ZBTB4: variants seen among roughly 807,000 people sequenced by gnomAD.
ZBTB4 encodes the protein zinc finger and BTB domain-containing protein 4.
ZBTB4 carries 14 observed loss-of-function variants against 59.8 expected under a neutral mutation model. The ratio of observed to expected loss-of-function variants is 0.23; its 90% CI spans 0.15 to 0.37. The LOEUF is 0.37. Ranked by LOEUF, ZBTB4 falls within the 10% of genes least tolerant of loss-of-function variation. ZBTB4 has a pLI of 1.00. For synonymous variants in ZBTB4, 587 were observed against 575.2 expected (o/e 1.02, Z -0.29); for missense variants, 1,198 against 1,380.8 (o/e 0.87, Z 2.10).
In ZBTB4 at chr17:7,463,051, T is replaced by A; in HGVS notation, c.1931A>T (p.Asp644Val). 1 of 1,610,802 alleles carries A rather than the reference T, an allele frequency of 6.2e-7. No individual in the cohort carries two copies. Among genetic ancestry groups the A allele is most frequent in the Non-Finnish European group, 8.5e-7 (1 of 1,179,194 alleles). Residue 644 changes from aspartate to valine, a missense_variant, in exon 4 of 4, where the codon GAC becomes GTC. By Grantham distance (152) the Asp-to-Val change is radical. Transcript: ENST00000380599. ...CTCATCCTCCTCCTCCTCCTCTTCGTCCTCCTCCTCTTCGTCCTCCTCACT... is the reference window on the plus strand; with the variant it reads ...CTCATCCTCCTCCTCCTCCTCTTCGACCTCCTCCTCTTCGTCCTCCTCACT... ...EESEEDEEEE[D>V]EEEEEEDEEE...
Position 7,462,526 on chromosome 17 carries a change from G to T in ZBTB4, c.2456C>A (p.Pro819His), listed in dbSNP as rs779903640. Residue 819 changes from proline (P) to histidine (H), a missense_variant, in exon 4 of 4, where the codon CCC (proline) becomes CAC (histidine). Physicochemically the swap from Pro to His is moderately conservative, Grantham distance 77. Transcript: ENST00000380599. The surrounding 1 kb of genome is among the most constrained non-coding windows in gnomAD (Gnocchi z 7.5). ...GGATGAGGAGACTTGCATCTCTTGG[G>T]GGGCTTCCTCCTTGACATCCCCGGG... ...TRPGDVKEEA[P>H]QEMQVSSSSG... The T allele has an allele frequency of 1.2e-6, 2 of 1,614,026 alleles. No individual in the cohort carries two copies. The highest frequency in any genetic ancestry group is 1.1e-5 in the South Asian group (1 of 91,090).
chr17:7,463,796 C>T lies in ZBTB4; in HGVS notation c.1186G>A (p.Ala396Thr). The T allele has an allele frequency of 6.2e-7, 1 of 1,614,140 alleles. No homozygotes were observed. Among genetic ancestry groups the T allele is most frequent in the Non-Finnish European group, 8.5e-7 (1 of 1,180,012 alleles). Reference protein sequence around the residue: ...AFHGISPGLLASEKTPNGGYK... With the variant: ...AFHGISPGLLTSEKTPNGGYK... ...CCTCCATTGGGTGTCTTCTCACTGG[C>T]AAGGAGGCCCGGGCTAATGCCGTGG... is the stretch of plus-strand genomic sequence containing the variant. Residue 396 changes from alanine to threonine, a missense_variant, in exon 4 of 4, where the codon GCC becomes ACC. By Grantham distance (58) the Ala-to-Thr change is moderately conservative. This residue lies in a region of ZBTB4 where 60 missense variants were observed against 93.0 expected (regional missense o/e 0.64). Transcript: ENST00000380599.
At chr17:7,469,067 C>T (rs1467587671) in intron 1 of ZBTB4, among the ~76,000 whole-genome samples, 1 of 152,198 alleles carries the variant, frequency 6.6e-6, no homozygotes, top group African/African-American at 2.4e-5. Context: ...ATGAGAACCA[C>T]TGGCTCACCG....
At chr17:7,477,819 G>T (rs1228348235) in intron 1 of ZBTB4, among the ~76,000 whole-genome samples, 1 of 152,070 alleles carries the variant, frequency 6.6e-6, no homozygotes, top group Non-Finnish European at 1.5e-5. Context: ...ACATAAACAT[G>T]GCCAAGGAGC....
At chr17:7,468,550 C>T (rs1220648252) in intron 1 of ZBTB4, among the ~76,000 whole-genome samples, 1 of 152,196 alleles carries the variant, frequency 6.6e-6, no homozygotes, top group Non-Finnish European at 1.5e-5. Flanking sequence ...CAAAGTCACA[C>T]AGCGCTGGTA....
At chr17:7,467,390 G>A in intron 1 of ZBTB4, 63 bp from the exon 2 acceptor site, 10 of 421,360 alleles carry the variant, frequency 2.4e-5, no homozygotes, top group Non-Finnish European at 3.2e-5. Flanking sequence ...GGTCCTCAAG[G>A]AGGGAAGTGA....
Position 7,466,388 on chromosome 17 carries a change from A to G in ZBTB4, c.414T>C (p.Asp138=). 1 of 1,613,996 alleles carries G rather than the reference A, an allele frequency of 6.2e-7. No individual in the cohort carries two copies. The highest frequency in any genetic ancestry group is 1.1e-5 in the South Asian group (1 of 91,054). ...GGGCGCTGTAGATGAAGTTGAGGAC[A>G]TCAGAAAACGCAGCTGCTGGGACTC... ...LPGVPAAAFS[D]VLNFIYSARL... Residue 138 remains aspartate, a synonymous_variant, in exon 3 of 4, where the codon GAT becomes GAC. Transcript: ENST00000380599. The surrounding 1 kb of genome is among the most constrained non-coding windows in gnomAD (Gnocchi z 9.1).
chr17:7,462,253 A>G lies in ZBTB4; in HGVS notation c.2729T>C (p.Ile910Thr), dbSNP rs764187676. ...GTAGAAAGTGACTTTGGCAGCCCCT[A>G]TCCCCTCCATCCGGTCCCCCTCACC... ...GAGEGDRMEG[I>T]GAAKVTFYPE... The change falls in exon 4 of 4, where the codon ATA becomes ACA. Residue 910 changes from isoleucine (I) to threonine (T), a missense_variant. Transcript: ENST00000380599. This position sits in a 1 kb window ranked among gnomAD's most constrained non-coding sequence, Gnocchi z 7.5. The G allele has an allele frequency of 6.2e-7, 1 of 1,613,552 alleles. No homozygotes were observed. Among genetic ancestry groups the G allele is most frequent in the Non-Finnish European group, 8.5e-7 (1 of 1,179,778 alleles).
upstream of ZBTB4, chr17:7,482,187 C>A: frequency 1.2e-6 from 2 of 1,614,060 alleles, no homozygotes; most frequent in Non-Finnish European, 8.5e-7. Context: ...TCCAACCTGC[C>A]CTCGCTGGAG....
At position 7,461,864 on chromosome 17, in the gene ZBTB4, G is replaced by T; in HGVS notation, c.*76C>A. 1 of 1,351,670 alleles carries T rather than the reference G, an allele frequency of 7.4e-7. No individual in the cohort carries two copies. The highest frequency in any genetic ancestry group is 1.0e-6 in the Non-Finnish European group (1 of 990,444). 83.7% of individuals were successfully genotyped at this position (1,351,670 alleles called of 1,614,324 possible). A position where few individuals can be genotyped will look rare whatever the true frequency, so the allele number is the denominator to read the frequency against. On this transcript the variant is annotated 3_prime_UTR_variant, in exon 4 of 4. Coordinates refer to ENST00000380599, the MANE Select transcript of ZBTB4 (RefSeq NM_001128833.2). ...GTGTGAAGGGGCTCCCAAGGGGCAG[G>T]GAGGCCAGGGAGCTGGTAGTGGTGG...
upstream of ZBTB4, among the ~76,000 whole-genome samples, chr17:7,480,726 A>AC (rs1315541033): frequency 6.6e-6 from 1 of 152,048 alleles, no homozygotes; most frequent in Non-Finnish European, 1.5e-5. Flanking sequence ...TCTCAAAAAA[A>AC]AAACAACAAC....
Position 7,461,955 on chromosome 17 carries a change from C to T in ZBTB4, c.3027G>A (p.Lys1009=). ...GERAGVERTQ[K]GDVG is the part of the protein sequence containing the mutation. ...GCCCCAGGGTTCACCCCACATCGCC[C>T]TTCTGGGTTCTCTCAACCCCTGCCC... The change falls in exon 4 of 4, where the codon AAG becomes AAA. Residue 1009 remains lysine (K), a synonymous_variant. Transcript: ENST00000380599. 2 of 1,557,660 alleles carry T rather than the reference C, an allele frequency of 1.3e-6. No individual in the cohort carries two copies. Among genetic ancestry groups the T allele is most frequent in the Non-Finnish European group, 1.7e-6 (2 of 1,150,630 alleles).
intron 1 of ZBTB4, among the ~76,000 whole-genome samples, chr17:7,470,652 C>T (rs778393380): frequency 2.6e-5 from 4 of 152,162 alleles, no homozygotes; most frequent in African/African-American, 4.8e-5. Flanking sequence ...GCCGAGATTG[C>T]ACCATTGCAC....
chr17:7,474,203 G>A (rs1478149772), intron 1 of ZBTB4, among the ~76,000 whole-genome samples: 1 of 139,156 alleles, frequency 7.2e-6, no homozygotes, highest in Non-Finnish European at 1.5e-5. Flanking sequence ...TTACAGGCAT[G>A]AGCCACCATG....
At chr17:7,474,185 C>T (rs982555004) in intron 1 of ZBTB4, among the ~76,000 whole-genome samples, 4 of 144,088 alleles carry the variant, frequency 2.8e-5, no homozygotes, top group Non-Finnish European at 6.0e-5. Context: ...CCTCCCAAAG[C>T]GCTGGAATTA....
Position 7,462,700 on chromosome 17 carries a change from G to A in ZBTB4, c.2282C>T (p.Pro761Leu). ...GTGGGGGCAGGTAAAGCGGGTGGAG[G>A]GCCTCCGTCCGGCCCGGGAGCTGTG... ...GSHSSRAGRRPSTRFTCPHCA... is the reference protein window; with the variant it reads ...GSHSSRAGRRLSTRFTCPHCA... Residue 761 changes from proline to leucine, a missense_variant, in exon 4 of 4, where the codon CCC becomes CTC. Pro to Leu is a moderately conservative substitution (Grantham distance 98). Transcript: ENST00000380599. The surrounding 1 kb of genome is among the most constrained non-coding windows in gnomAD (Gnocchi z 7.5). 6.2e-7 allele frequency: 1 copy of A among 1,605,272 alleles called. No homozygotes were observed. The highest frequency in any genetic ancestry group is 1.1e-5 in the South Asian group (1 of 91,040).
upstream of ZBTB4, among the ~76,000 whole-genome samples, chr17:7,483,652 TC>T (rs904168708): frequency 2.0e-5 from 3 of 152,020 alleles, no homozygotes; most frequent in African/African-American, 7.3e-5. Flanking sequence ...TGACCCCAAA[TC>T]CCCCAGGACT....
chr17:7,478,419 G>A (rs2070298958), intron 1 of ZBTB4, among the ~76,000 whole-genome samples: 1 of 151,908 alleles, frequency 6.6e-6, no homozygotes, highest in African/African-American at 2.4e-5. Context: ...CCCATGCAAC[G>A]CGCTCATCAC....
rs186620561 is a variant in ZBTB4, at chr17:7,465,395, C to T, written c.1091+316G>A. On this transcript the variant is annotated intron_variant, in intron 3 of 3. Transcript: ENST00000380599. ...ATTGCTTGAACTGGGACCTGGGAGGCGGAGGTGGCAGTGAGCCGAGAAGGC... is the reference window on the plus strand; with the variant it reads ...ATTGCTTGAACTGGGACCTGGGAGGTGGAGGTGGCAGTGAGCCGAGAAGGC... Among the ~76,000 whole-genome samples the T allele has an allele frequency of 2.1e-4, 29 of 137,636 alleles. 1 individual carries two copies. The highest frequency in any genetic ancestry group is 6.4e-4 in the African/African-American group (23 of 36,134). The allele number at this position is 137,636 out of a possible 152,430, so 90.3% of individuals were successfully genotyped here.
Sources: allele counts gnomAD v4.1 joint callset (sites outside exome capture counted in the v4.1 genomes callset), GRCh38; gene constraint gnomAD v4.1.1; regional missense constraint gnomAD v4.1.1; non-coding constraint Gnocchi (gnomAD v3.1); transcripts MANE v1.5; gene names NCBI Gene and HGNC (gene_info 2026-07-23, HGNC 2026-07-21).